The following NRXN3 variants were observed in gnomAD, a reference collection of about 807,000 sequenced individuals.
NRXN3 encodes neurexin 3.
In NRXN3, 32 loss-of-function variants were observed where a neutral mutation model predicts 137.6. That is an observed-to-expected ratio of 0.23 (90% CI 0.18 to 0.31). NRXN3 has a LOEUF of 0.31. NRXN3 is among the 10% of genes least tolerant of loss of function. NRXN3 has a pLI of 1.00. For synonymous variants in NRXN3, 798 were observed against 784.5 expected (o/e 1.02, Z -0.29); for missense variants, 1,574 against 2,062.5 (o/e 0.76, Z 4.59).
At chr14:79,478,845 G>A (rs1273853096) in intron 16 of NRXN3, among the ~76,000 whole-genome samples, 1 of 152,102 alleles carries the variant, frequency 6.6e-6, no homozygotes, top group African/African-American at 2.4e-5. Flanking sequence ...CCAGGCAAGT[G>A]GCAGATCAGA....
intron 4 of NRXN3, among the ~76,000 whole-genome samples, chr14:78,377,360 A>G (rs1243182848): frequency 6.6e-6 from 1 of 152,246 alleles, no homozygotes; most frequent in East Asian, 1.9e-4. Flanking sequence ...GAACACTGCA[A>G]TCCTAAATGT....
intron 19 of NRXN3, among the ~76,000 whole-genome samples, chr14:79,782,288 C>G (rs920612004): frequency 6.6e-6 from 1 of 152,148 alleles, no homozygotes; most frequent in Non-Finnish European, 1.5e-5. Flanking sequence ...AAGTCTATTA[C>G]TTTTCCCCTA....
intron 16 of NRXN3, among the ~76,000 whole-genome samples, chr14:79,553,425 A>G (rs2097395847): frequency 6.6e-6 from 1 of 152,160 alleles, no homozygotes. Flanking sequence ...GTTCAGCCAA[A>G]AATTACACCC....
intron 15 of NRXN3, among the ~76,000 whole-genome samples, chr14:79,362,137 T>C (rs1341563755): frequency 2.0e-5 from 3 of 150,818 alleles, no homozygotes; most frequent in Non-Finnish European, 3.0e-5. Context: ...TTTTTTATTT[T>C]ATTTTATTTT....
intron 20 of NRXN3, among the ~76,000 whole-genome samples, chr14:79,824,365 G>A (rs570538408): frequency 6.6e-6 from 1 of 150,744 alleles, no homozygotes; most frequent in African/African-American, 2.4e-5. Context: ...GAATGCAGCA[G>A]TCTCTTTAGT....
chr14:79,849,541 A>G (rs2099387321), intron 20 of NRXN3, among the ~76,000 whole-genome samples: 1 of 152,214 alleles, frequency 6.6e-6, no homozygotes, highest in African/African-American at 2.4e-5. Flanking sequence ...CATGCCAATA[A>G]AAATCACCAT....
intron 4 of NRXN3, among the ~76,000 whole-genome samples, chr14:78,514,146 A>G (rs1003755118): frequency 6.6e-6 from 1 of 152,170 alleles, no homozygotes; most frequent in African/African-American, 2.4e-5. Flanking sequence ...CCAAGTGTCC[A>G]GGGTCTCCAG....
chr14:79,475,333 A>G (rs1159407060), intron 16 of NRXN3, among the ~76,000 whole-genome samples: 1 of 152,184 alleles, frequency 6.6e-6, no homozygotes, highest in Non-Finnish European at 1.5e-5. Context: ...TATCTTTCTC[A>G]TTTATGGTTC....
At chr14:79,856,835 T>G (rs1010812756) in intron 20 of NRXN3, among the ~76,000 whole-genome samples, 2 of 152,148 alleles carry the variant, frequency 1.3e-5, no homozygotes, top group Non-Finnish European at 2.9e-5. Context: ...AAAATAGACC[T>G]TTTATATCTC....
intron 19 of NRXN3, among the ~76,000 whole-genome samples, chr14:79,744,767 A>G (rs912394064): frequency 6.6e-6 from 1 of 152,134 alleles, no homozygotes; most frequent in African/African-American, 2.4e-5. Flanking sequence ...CTAACTAGTG[A>G]TAGAGCACAT....
At chr14:78,533,990 G>A (rs2096503744) in intron 4 of NRXN3, among the ~76,000 whole-genome samples, 1 of 152,188 alleles carries the variant, frequency 6.6e-6, no homozygotes, top group Non-Finnish European at 1.5e-5. Flanking sequence ...CAAATTTAGA[G>A]CAGGTTTGAA....
At chr14:78,855,659 A>T (rs1463766165) in intron 10 of NRXN3, among the ~76,000 whole-genome samples, 2 of 152,218 alleles carry the variant, frequency 1.3e-5, no homozygotes, top group African/African-American at 4.8e-5. Flanking sequence ...AATGAATGCT[A>T]CTGTCAAAAA....
At chr14:78,442,566 G>A (rs1445436473) in intron 4 of NRXN3, among the ~76,000 whole-genome samples, 1 of 152,190 alleles carries the variant, frequency 6.6e-6, no homozygotes, top group Admixed American at 6.5e-5. Flanking sequence ...AGTAGCCCTA[G>A]GAAAGAAAGG....
chr14:78,459,791 G>A lies in NRXN3; in HGVS notation c.757+161931G>A, dbSNP rs1218792779. Among the ~76,000 whole-genome samples, 3 of 152,316 alleles carry A rather than the reference G, an allele frequency of 2.0e-5. No homozygotes were observed. In the East Asian group the frequency reaches 5.8e-4, roughly 29 times the overall value. ...TTCTGTGACCCCTGGCCGTCAAAAT[G>A]TGTGAGGATTTCTTCCCACCAAGCA... On this transcript the variant is annotated intron_variant, in intron 4 of 20. Coordinates refer to ENST00000335750, the MANE Select transcript of NRXN3 (RefSeq NM_001330195.2).
intron 15 of NRXN3, among the ~76,000 whole-genome samples, chr14:79,225,331 C>T (rs930036368): frequency 6.6e-6 from 1 of 152,136 alleles, no homozygotes; most frequent in Admixed American, 6.5e-5. Context: ...AAGAAGGAAG[C>T]AACTCTCCCT....
intron 15 of NRXN3, among the ~76,000 whole-genome samples, chr14:79,064,372 T>C (rs1422481902): frequency 6.6e-6 from 1 of 152,068 alleles, no homozygotes; most frequent in Non-Finnish European, 1.5e-5. Context: ...ACAGTCTTCA[T>C]AGGGGTGCAA....
chr14:79,072,870 T>C (rs930135663), intron 15 of NRXN3, among the ~76,000 whole-genome samples: 13 of 149,448 alleles, frequency 8.7e-5, no homozygotes, highest in African/African-American at 2.7e-4. Flanking sequence ...GGTATGTGTT[T>C]TCTCTCTCTC....
chr14:79,684,794 C>CATGAGAGGA (rs966663013), intron 17 of NRXN3, among the ~76,000 whole-genome samples: 2 of 152,028 alleles, frequency 1.3e-5, no homozygotes, highest in Non-Finnish European at 1.5e-5. Context: ...AATAACCAAA[C>CATGAGAGGA]ATGAGAGGAA....
intron 16 of NRXN3, among the ~76,000 whole-genome samples, chr14:79,556,796 TC>T (rs2153764456): frequency 1.3e-5 from 2 of 152,240 alleles, no homozygotes; most frequent in Admixed American, 1.3e-4. Flanking sequence ...GCTCAAGCAG[TC>T]CTCCTGGCTT....
Sources: gnomAD v4.1 joint callset for allele counts (sites outside exome capture counted in the v4.1 genomes callset) on GRCh38, gnomAD v4.1.1 for gene constraint, MANE v1.5 for transcripts, NCBI Gene and HGNC (gene_info 2026-07-23, HGNC 2026-07-21) for gene names.